The following CACNA2D3 variants were observed in gnomAD, a reference collection of about 807,000 sequenced individuals.
CACNA2D3 encodes the protein voltage-dependent calcium channel subunit alpha-2/delta-3.
Under a neutral mutation model 160.6 loss-of-function variants are expected in CACNA2D3, and 60 were observed. That is an observed-to-expected ratio of 0.37 (90% CI 0.30 to 0.46). The LOEUF (loss-of-function observed/expected upper bound fraction) is 0.46. CACNA2D3 is among the 20% of genes least tolerant of loss of function. CACNA2D3 has a pLI of 1.00. For synonymous variants in CACNA2D3, 558 were observed against 492.9 expected (o/e 1.13, Z -1.75); for missense variants, 1,205 against 1,365.0 (o/e 0.88, Z 1.85).
chr3:55,032,650 C>A (rs899017994), intron 35 of CACNA2D3, among the ~76,000 whole-genome samples: 4 of 152,126 alleles, frequency 2.6e-5, no homozygotes, highest in African/African-American at 7.2e-5. Flanking sequence ...AAGTCACTTC[C>A]CCTCTTAGTT....
At chr3:54,603,378 C>A (rs376605756) in intron 9 of CACNA2D3, among the ~76,000 whole-genome samples, 3 of 152,238 alleles carry the variant, frequency 2.0e-5, no homozygotes, top group Non-Finnish European at 4.4e-5. Flanking sequence ...TCAACCCCAT[C>A]TATCCAACCC....
At chr3:54,992,519 C>G (rs1702763579) in intron 31 of CACNA2D3, among the ~76,000 whole-genome samples, 1 of 152,074 alleles carries the variant, frequency 6.6e-6, no homozygotes, top group Admixed American at 6.5e-5. Flanking sequence ...CCTGGCGGTC[C>G]TCTCTGATCC....
chr3:54,208,346 G>T (rs1040942197), intron 2 of CACNA2D3, among the ~76,000 whole-genome samples: 5 of 152,186 alleles, frequency 3.3e-5, no homozygotes, highest in Admixed American at 1.3e-4. Flanking sequence ...GACCTCAAGT[G>T]ATCTGTCTAT....
chr3:54,983,235 A>T (rs1334377504), intron 29 of CACNA2D3, among the ~76,000 whole-genome samples: 1 of 152,240 alleles, frequency 6.6e-6, no homozygotes, highest in South Asian at 2.1e-4. Flanking sequence ...TGTAGTCACT[A>T]ACCAGAGGTA....
At chr3:54,587,830 C>A (rs1030148049) in intron 9 of CACNA2D3, among the ~76,000 whole-genome samples, 4 of 152,116 alleles carry the variant, frequency 2.6e-5, no homozygotes, top group Non-Finnish European at 5.9e-5. Flanking sequence ...TTTAAAAGCA[C>A]CCTCTCCCTG....
At chr3:54,872,963 C>T (rs1195693237) in intron 18 of CACNA2D3, among the ~76,000 whole-genome samples, 7 of 152,012 alleles carry the variant, frequency 4.6e-5, no homozygotes, top group Non-Finnish European at 7.3e-5. Context: ...CCTGGCTTAG[C>T]GCAATTGTGA....
chr3:54,930,512 C>A (rs146762844), intron 27 of CACNA2D3, among the ~76,000 whole-genome samples: 1 of 152,268 alleles, frequency 6.6e-6, no homozygotes, highest in Admixed American at 6.5e-5. Flanking sequence ...ATATCTTAGA[C>A]TTGGGGGCCT....
At position 54,627,896 on chromosome 3, in the gene CACNA2D3, G is replaced by C; in HGVS notation, c.1053+20G>C. The C allele has an allele frequency of 6.7e-7, 1 of 1,500,088 alleles. No homozygotes were observed. Among genetic ancestry groups the C allele is most frequent in the Non-Finnish European group, 9.2e-7 (1 of 1,086,274 alleles). The allele number at this position is 1,500,088 out of a possible 1,614,324, so 92.9% of individuals were successfully genotyped here. The stretch of plus-strand genomic sequence containing the variant: ...AGTGATGTAAGTTCCTCTTTGATTT[G>C]CCTTTCTCATCCCTTGGAGAATAGA... On this transcript the variant is annotated intron_variant, in intron 10 of 37. Transcript: ENST00000474759.
At chr3:54,265,530 ATGTGTG>A (rs59375998) in intron 2 of CACNA2D3, among the ~76,000 whole-genome samples, 16 of 134,852 alleles carry the variant, frequency 1.2e-4, no homozygotes, top group South Asian at 2.4e-4. Context: ...AACTTAAAGT[ATGTGTG>A]TGTGTGTGTG....
intron 35 of CACNA2D3, among the ~76,000 whole-genome samples, chr3:55,065,418 C>T (rs1003592642): frequency 2.0e-5 from 3 of 152,196 alleles, no homozygotes; most frequent in African/African-American, 4.8e-5. Flanking sequence ...GCTTAGAAAA[C>T]GGGCCTGCCT....
At chr3:54,843,065 G>A (rs1004388999) in intron 16 of CACNA2D3, among the ~76,000 whole-genome samples, 5 of 148,580 alleles carry the variant, frequency 3.4e-5, no homozygotes, top group African/African-American at 9.9e-5. Flanking sequence ...GGGTTCAAGC[G>A]ATTCTCCTGC....
chr3:54,324,640 C>A (rs1421137447), intron 3 of CACNA2D3, among the ~76,000 whole-genome samples: 2 of 152,096 alleles, frequency 1.3e-5, no homozygotes, highest in African/African-American at 2.4e-5. Flanking sequence ...TTGTGTATAG[C>A]AGTTGTGCCC....
intron 5 of CACNA2D3, among the ~76,000 whole-genome samples, chr3:54,528,169 G>A (rs1022025810): frequency 6.6e-6 from 1 of 151,926 alleles, no homozygotes; most frequent in Non-Finnish European, 1.5e-5. Flanking sequence ...CCAGGGTTAC[G>A]GTCACTACTG....
At chr3:54,400,306 G>A (rs976492955) in intron 4 of CACNA2D3, among the ~76,000 whole-genome samples, 2 of 151,550 alleles carry the variant, frequency 1.3e-5, no homozygotes, top group African/African-American at 2.4e-5. Context: ...GTTCCTATTC[G>A]GCCATCTTGG....
chr3:54,859,972 G>GCGCGCGCGCGCACACACACACACA (rs535185040), intron 17 of CACNA2D3, among the ~76,000 whole-genome samples: 1 of 133,784 alleles, frequency 7.5e-6, no homozygotes, highest in African/African-American at 2.8e-5. Context: ...GAAAGTAGAT[G>GCGCGCGCGCGCACACACACACACA]CACACACACA....
chr3:54,985,572 G>A (rs901335868), intron 30 of CACNA2D3, among the ~76,000 whole-genome samples: 1 of 152,218 alleles, frequency 6.6e-6, no homozygotes, highest in South Asian at 2.1e-4. Flanking sequence ...CCTCTAGATA[G>A]GCTCTGTGCA....
chr3:54,876,290 C>T (rs1019420652), intron 18 of CACNA2D3: 4 of 152,152 alleles, frequency 2.6e-5, no homozygotes, highest in African/African-American at 9.7e-5. Flanking sequence ...GCAAGTTGCT[C>T]CTCTTCTCAA....
chr3:54,759,645 G>C (rs1027134126), intron 12 of CACNA2D3, among the ~76,000 whole-genome samples: 30 of 152,116 alleles, frequency 2.0e-4, no homozygotes. Flanking sequence ...TGAAATATAA[G>C]TTGGAACTAT....
chr3:54,444,753 C>T (rs1410702974), intron 4 of CACNA2D3, among the ~76,000 whole-genome samples: 4 of 152,234 alleles, frequency 2.6e-5, no homozygotes, highest in East Asian at 1.9e-4. Flanking sequence ...GAGCTGTCTA[C>T]TTCTGAATAA....
Sources: gnomAD v4.1 joint callset for allele counts (sites outside exome capture counted in the v4.1 genomes callset) on GRCh38, gnomAD v4.1.1 for gene constraint, MANE v1.5 for transcripts, NCBI Gene and HGNC (gene_info 2026-07-23, HGNC 2026-07-21) for gene names.